HNF4G: variants seen among roughly 807,000 people sequenced by gnomAD.
HNF4G encodes hepatocyte nuclear factor 4-gamma.
HNF4G carries 21 observed loss-of-function variants against 50.9 expected under a neutral mutation model. That is an observed-to-expected ratio of 0.41 (90% confidence interval 0.29 to 0.59). The LOEUF (loss-of-function observed/expected upper bound fraction) is 0.59. Ranked by LOEUF, HNF4G falls within the 20% of genes least tolerant of loss-of-function variation. The pLI is 0.26. For synonymous variants in HNF4G, 198 were observed against 185.6 expected, an observed-to-expected ratio of 1.07 and a Z score of -0.54; for missense variants, 527 against 559.4, an observed-to-expected ratio of 0.94 and a Z score of 0.58.
intron 2 of HNF4G, among the ~76,000 whole-genome samples, chr8:75,517,359 A>G (rs1358820161): frequency 6.6e-6 from 1 of 152,154 alleles, no homozygotes. Flanking sequence ...TTTCAGCATT[A>G]ACTCAAAAGT....
intron 2 of HNF4G, among the ~76,000 whole-genome samples, chr8:75,522,358 T>A: frequency 6.6e-6 from 1 of 152,176 alleles, no homozygotes; most frequent in East Asian, 1.9e-4. Context: ...ACATGATGGA[T>A]TAAATAGTTC....
intron 1 of HNF4G, among the ~76,000 whole-genome samples, chr8:75,424,070 C>T (rs910334557): frequency 6.6e-6 from 1 of 151,942 alleles, no homozygotes; most frequent in Non-Finnish European, 1.5e-5. Flanking sequence ...ATCCGCCTGC[C>T]TCGGCCTCCC....
chr8:75,449,500 T>C (rs1319961536), intron 1 of HNF4G, among the ~76,000 whole-genome samples: 2 of 119,280 alleles, frequency 1.7e-5, no homozygotes, highest in South Asian at 5.3e-4. Context: ...AATATATATA[T>C]ATTTTTTTCT....
chr8:75,444,487 T>C (rs1464029192), intron 1 of HNF4G, among the ~76,000 whole-genome samples: 184 of 125,624 alleles, frequency 1.5e-3, no homozygotes, highest in African/African-American at 5.9e-3. Context: ...GACTGGCAAG[T>C]TGGATAAAGA....
At chr8:75,439,128 A>G (rs561294336) in intron 1 of HNF4G, among the ~76,000 whole-genome samples, 1 of 152,198 alleles carries the variant, frequency 6.6e-6, no homozygotes, top group East Asian at 1.9e-4. Flanking sequence ...TATATTTATC[A>G]TGGTTGGAGG....
At position 75,558,964 on chromosome 8, in the gene HNF4G, T is replaced by A. The variant is rs756527234; in HGVS notation, c.1050T>A (p.Ile350=). 2 of 1,614,088 alleles carry A rather than the reference T, an allele frequency of 1.2e-6. No individual in the cohort carries two copies. The highest frequency in any genetic ancestry group is 2.2e-5 in the South Asian group (2 of 91,082). The change falls in exon 8 of 10, where the codon ATT becomes ATA. Residue 350 remains isoleucine (I), a synonymous_variant. Transcript: ENST00000396423. ...PTLQSITWQM[I]EQIQFVKLFG... is the part of the protein sequence containing the mutation. ...TGCAGAGCATCACGTGGCAAATGATTGAGCAAATACAGTTTGTTAAACTTT... is the reference window on the plus strand; with the variant it reads ...TGCAGAGCATCACGTGGCAAATGATAGAGCAAATACAGTTTGTTAAACTTT...
chr8:75,472,273 T>C (rs550653449), intron 1 of HNF4G, among the ~76,000 whole-genome samples: 36 of 152,306 alleles, frequency 2.4e-4, no homozygotes, highest in African/African-American at 7.7e-4. Context: ...TTAGAAATTC[T>C]TTTTTCTAAA....
chr8:75,563,331 T>A (rs945710041), intron 9 of HNF4G, among the ~76,000 whole-genome samples: 2 of 152,128 alleles, frequency 1.3e-5, no homozygotes, highest in Non-Finnish European at 2.9e-5. Flanking sequence ...CAATTCAATT[T>A]TTTATATTCA....
chr8:75,442,396 A>G (rs1019040822), intron 1 of HNF4G, among the ~76,000 whole-genome samples: 2 of 152,074 alleles, frequency 1.3e-5, no homozygotes, highest in Non-Finnish European at 2.9e-5. Flanking sequence ...TTTAAAAAAT[A>G]TTTTTGAAAT....
At chr8:75,526,968 G>A (rs1043047756) in intron 2 of HNF4G, 4 of 151,956 alleles carry the variant, frequency 2.6e-5, no homozygotes, top group Non-Finnish European at 5.9e-5. Flanking sequence ...AGCACAGACG[G>A]GGTTTCACCG....
intron 1 of HNF4G, among the ~76,000 whole-genome samples, chr8:75,454,071 C>T (rs1022346010): frequency 3.4e-5 from 5 of 148,172 alleles, no homozygotes; most frequent in Admixed American, 6.7e-5. Flanking sequence ...CCCTCTCTTC[C>T]TTTCTCCCTC....
intron 2 of HNF4G, among the ~76,000 whole-genome samples, chr8:75,519,293 G>C (rs907050944): frequency 6.6e-5 from 10 of 152,126 alleles, no homozygotes; most frequent in Non-Finnish European, 2.9e-5. Context: ...CATTCAACAA[G>C]TTTCTAGGAA....
intron 1 of HNF4G, among the ~76,000 whole-genome samples, chr8:75,462,117 A>G (rs1000747180): frequency 1.3e-5 from 2 of 151,842 alleles, no homozygotes; most frequent in Non-Finnish European, 2.9e-5. Context: ...GGGTTTCTCC[A>G]TGTTGGTCAG....
chr8:75,513,531 A>C (rs188195938), intron 2 of HNF4G, among the ~76,000 whole-genome samples: 2 of 152,220 alleles, frequency 1.3e-5, no homozygotes, highest in Non-Finnish European at 2.9e-5. Flanking sequence ...TTTTGTTTGT[A>C]ATGTCTAACA....
intron 2 of HNF4G, among the ~76,000 whole-genome samples, chr8:75,501,882 T>G (rs188046317): frequency 0.017 from 2,039 of 119,138 alleles, 46 homozygotes; most frequent in African/African-American, 0.072. Context: ...AGATGGAGTC[T>G]CTCTTTGTTG....
intron 2 of HNF4G, among the ~76,000 whole-genome samples, chr8:75,514,348 T>A (rs957716156): frequency 3.6e-5 from 3 of 83,992 alleles, no homozygotes; most frequent in African/African-American, 2.0e-4. Context: ...CCTTTCTTTC[T>A]TCTTTCTTTT....
rs530888753 is a variant in HNF4G, at chr8:75,444,341, C to A, written c.-144+36179C>A. ...GCAAAATCATGCCAAAATGTAAAGA[C>A]CATTGAGACTAGGAAGAAACTGCAT... On this transcript the variant is annotated intron_variant, in intron 1 of 10. Coordinates refer to the HNF4G transcript ENST00000354370. Among the ~76,000 whole-genome samples the A allele has an allele frequency of 3.9e-3, 589 of 151,718 alleles. 5 individuals are homozygous for A. Among genetic ancestry groups the A allele is most frequent in the African/African-American group, 0.013 (544 of 41,396 alleles).
chr8:75,530,951 C>A (rs1356428642), intron 2 of HNF4G, among the ~76,000 whole-genome samples: 1 of 151,970 alleles, frequency 6.6e-6, no homozygotes, highest in Middle Eastern at 3.2e-3. Context: ...CACCACCACA[C>A]CCAGCTAATT....
chr8:75,549,274 A>G (rs1381798717), intron 3 of HNF4G, among the ~76,000 whole-genome samples: 1 of 152,222 alleles, frequency 6.6e-6, no homozygotes, highest in African/African-American at 2.4e-5. Flanking sequence ...GGAAACAAAT[A>G]GAAGCATAGT....
Sources: allele counts gnomAD v4.1 joint callset (sites outside exome capture counted in the v4.1 genomes callset), GRCh38; gene constraint gnomAD v4.1.1; transcripts MANE v1.5; gene names NCBI Gene and HGNC (gene_info 2026-07-23, HGNC 2026-07-21).